ST3GAL1: variants seen among roughly 807,000 people sequenced by gnomAD.
The protein encoded by ST3GAL1 is CMP-N-acetylneuraminate-beta-galactosamide-alpha-2,3-sialyltransferase 1.
ST3GAL1 carries 16 observed loss-of-function variants against 34.1 expected under a neutral mutation model. The observed-to-expected ratio is 0.47, with a 90% confidence interval of 0.32 to 0.71. ST3GAL1 has a LOEUF of 0.71. ST3GAL1 is among the 30% of genes least tolerant of loss of function. The probability of loss-of-function intolerance (pLI) is 0.04; values close to 1 mark genes in which losing one functional copy is unlikely to be tolerated. For missense variants in ST3GAL1, 353 were observed against 447.4 expected (o/e 0.79, Z 1.90); for synonymous variants, 191 against 184.7 (o/e 1.03, Z -0.28).
chr8:133,552,434 C>G (rs982752981), intron 1 of ST3GAL1, among the ~76,000 whole-genome samples: 1 of 152,166 alleles, frequency 6.6e-6, no homozygotes, highest in East Asian at 1.9e-4. Flanking sequence ...TCAGCAGAGC[C>G]GTTGGCTGGG....
At chr8:133,541,472 C>T (rs1818529041) in intron 2 of ST3GAL1, among the ~76,000 whole-genome samples, 1 of 152,120 alleles carries the variant, frequency 6.6e-6, no homozygotes. Flanking sequence ...GCATCCCCCA[C>T]AGAAACTCTC....
chr8:133,462,784 C>T (rs1705960006), intron 8 of ST3GAL1, among the ~76,000 whole-genome samples: 1 of 152,222 alleles, frequency 6.6e-6, no homozygotes, highest in Non-Finnish European at 1.5e-5. Context: ...TAAGTGGCTT[C>T]TTCCCTGAGG....
intron 2 of ST3GAL1, among the ~76,000 whole-genome samples, chr8:133,517,067 T>C (rs1817667626): frequency 6.6e-6 from 1 of 152,272 alleles, no homozygotes; most frequent in Non-Finnish European, 1.5e-5. Context: ...TCCTGCTGAT[T>C]GGCAGCAGGC....
At chr8:133,472,879 G>C (rs1222135381) in intron 5 of ST3GAL1, among the ~76,000 whole-genome samples, 2 of 148,628 alleles carry the variant, frequency 1.3e-5, no homozygotes, top group East Asian at 1.9e-4. Context: ...ACCCACCTAA[G>C]TTCAGTATTA....
At chr8:133,463,502 A>G (rs1274659424) in intron 7 of ST3GAL1, 43 bp from the exon 8 acceptor site, 3 of 1,606,226 alleles carry the variant, frequency 1.9e-6, no homozygotes, top group Admixed American at 1.7e-5. Flanking sequence ...GGCAGGGGAC[A>G]GGCCCAGGAA....
At chr8:133,476,862 C>G (rs779544546) in intron 3 of ST3GAL1, among the ~76,000 whole-genome samples, 3 of 152,232 alleles carry the variant, frequency 2.0e-5, no homozygotes, top group Non-Finnish European at 2.9e-5. Flanking sequence ...AGCACATTGA[C>G]ACACTCAACA....
rs73711009 is a variant in ST3GAL1 at position 133,529,494 on chromosome 8, C to A, written c.-429+16280G>T. On this transcript the variant is annotated intron_variant, in intron 2 of 9. Transcript: ENST00000522652. ...AGACAGGCAGACAGATGAACTCCCA[C>A]CTGAAGGTGAGGACGCCAGGCGAGA... Among the ~76,000 whole-genome samples, 867 of 152,272 alleles carry A rather than the reference C, an allele frequency of 5.7e-3. 10 individuals carry two copies. Among genetic ancestry groups the A allele is most frequent in the African/African-American group, 0.02 (822 of 41,534 alleles).
At chr8:133,559,749 C>T (rs1009291584) in intron 1 of ST3GAL1, among the ~76,000 whole-genome samples, 3 of 152,244 alleles carry the variant, frequency 2.0e-5, no homozygotes, top group South Asian at 4.1e-4. Flanking sequence ...ATTCCTTTTA[C>T]GTGAAGCAGG....
chr8:133,548,683 G>A (rs992780671), intron 1 of ST3GAL1, among the ~76,000 whole-genome samples: 2 of 152,194 alleles, frequency 1.3e-5, no homozygotes, highest in Non-Finnish European at 2.9e-5. Context: ...GGAGCACCCT[G>A]GGAGCACACA....
At chr8:133,462,344 G>A (rs1269835600) in intron 8 of ST3GAL1, among the ~76,000 whole-genome samples, 2 of 152,140 alleles carry the variant, frequency 1.3e-5, no homozygotes, top group Non-Finnish European at 2.9e-5. Context: ...AGTGTGAGGT[G>A]GGACTGGACA....
rs1158231455 is a variant in ST3GAL1, at chr8:133,570,996, TCCCC to T, written c.-582+693_-582+696del. Among the ~76,000 whole-genome samples the T allele has an allele frequency of 6.6e-6, 1 of 152,048 alleles. No individual in the cohort carries two copies. The highest frequency in any genetic ancestry group is 1.5e-5 in the Non-Finnish European group (1 of 67,968). ...CCGTGCTCTCCTTGGCCCACCCGCG[TCCCC>T]CACTGTCCGCCACGCCGCGTTCAGC... On this transcript the variant is annotated intron_variant, in intron 1 of 9. Coordinates refer to ENST00000522652, the MANE Select transcript of ST3GAL1 (RefSeq NM_173344.3). This position sits in a 1 kb window ranked among gnomAD's most constrained non-coding sequence, Gnocchi z 5.6.
intron 1 of ST3GAL1, among the ~76,000 whole-genome samples, chr8:133,561,108 CTTTTTTTTTTT>C (rs765993286): frequency 9.4e-6 from 1 of 106,226 alleles, no homozygotes; most frequent in Non-Finnish European, 1.9e-5. Flanking sequence ...CCAGAGCCAT[CTTTTTTTTTTT>C]TTTTTTTTTT....
chr8:133,504,406 T>G (rs1817273455), intron 2 of ST3GAL1, among the ~76,000 whole-genome samples: 1 of 152,242 alleles, frequency 6.6e-6, no homozygotes, highest in Non-Finnish European at 1.5e-5. Flanking sequence ...TCCAATCCAA[T>G]CAGCTTTTCT....
intron 2 of ST3GAL1, among the ~76,000 whole-genome samples, chr8:133,501,730 C>T (rs189495662): frequency 1.4e-5 from 2 of 146,768 alleles, no homozygotes; most frequent in Admixed American, 6.9e-5. Context: ...ACCTGGGTGA[C>T]AAGAGTGAAA....
rs991038123 is a variant in ST3GAL1, at chr8:133,504,223, C to T, written c.-428-5034G>A. 3.9e-5 allele frequency among the ~76,000 whole-genome samples: 6 copies of T among 152,198 alleles called. No individual in the cohort carries two copies. In the South Asian group the frequency reaches 1.0e-3, roughly 26 times the overall value. Reference sequence around the variant, plus strand: ...CAGTGCCTTCCCCAAGGTCATGGAGCCAGCCAGCCTCAGAACTTGGACTAG... The same window carrying T: ...CAGTGCCTTCCCCAAGGTCATGGAGTCAGCCAGCCTCAGAACTTGGACTAG... On this transcript the variant is annotated intron_variant, in intron 2 of 9. Coordinates refer to ENST00000522652, the MANE Select transcript of ST3GAL1 (RefSeq NM_173344.3).
chr8:133,548,748 G>A (rs528441414), intron 1 of ST3GAL1, among the ~76,000 whole-genome samples: 215 of 152,332 alleles, frequency 1.4e-3, no homozygotes, highest in Admixed American at 3.5e-3. Context: ...TAAGCACCGG[G>A]CATCACCTCA....
intron 2 of ST3GAL1, among the ~76,000 whole-genome samples, chr8:133,540,922 TATATATATAGAC>T (rs1818476733): frequency 9.0e-3 from 337 of 37,400 alleles, no homozygotes; most frequent in East Asian, 0.038. Context: ...TATATAGACA[TATATATATAGAC>T]ATATATAGAC....
Position 133,541,114 on chromosome 8 carries a change from TATATATAGAG to T in ST3GAL1, c.-429+4650_-429+4659del, listed in dbSNP as rs1472253077. Among the ~76,000 whole-genome samples, 7 of 44,076 alleles carry T rather than the reference TATATATAGAG, an allele frequency of 1.6e-4. 1 individual carries two copies. Among genetic ancestry groups the T allele is most frequent in the African/African-American group, 8.4e-4 (7 of 8,320 alleles). The allele number at this position is 44,076 out of a possible 152,430, so 28.9% of individuals were successfully genotyped here. ...ATATAAACATATATATATATATATA[TATATATAGAG>T]AGAGAGAGAGAGAGAGAGAGAGAGA... On this transcript the variant is annotated intron_variant, in intron 2 of 9. Coordinates refer to ENST00000522652, the MANE Select transcript of ST3GAL1 (RefSeq NM_173344.3).
chr8:133,491,179 C>T (rs774763607), intron 3 of ST3GAL1, among the ~76,000 whole-genome samples: 1 of 152,002 alleles, frequency 6.6e-6, no homozygotes, highest in Non-Finnish European at 1.5e-5. Flanking sequence ...GAGAAGGAGG[C>T]GAATATGTTT....
Sources: gnomAD v4.1 joint callset for allele counts (sites outside exome capture counted in the v4.1 genomes callset) on GRCh38, gnomAD v4.1.1 for gene constraint, Gnocchi (gnomAD v3.1) non-coding constraint, MANE v1.5 for transcripts, NCBI Gene and HGNC (gene_info 2026-07-23, HGNC 2026-07-21) for gene names.